The following PBX3 variants were observed in gnomAD, a reference collection of about 807,000 sequenced individuals.
The protein encoded by PBX3 is pre-B-cell leukemia transcription factor 3.
A neutral mutation model predicts 48.5 loss-of-function variants in PBX3; 14 were observed. The ratio of observed to expected loss-of-function variants is 0.29; its 90% CI spans 0.19 to 0.45. The LOEUF is 0.45. Ranked by LOEUF, PBX3 falls within the 20% of genes least tolerant of loss-of-function variation. PBX3 has a pLI of 1.00. For synonymous variants in PBX3, 210 were observed against 200.3 expected, an observed-to-expected ratio of 1.05 and a Z score of -0.41; for missense variants, 386 against 546.7, an observed-to-expected ratio of 0.71 and a Z score of 2.93.
intron 2 of PBX3, among the ~76,000 whole-genome samples, chr9:125,906,020 A>G (rs762195482): frequency 1.1e-4 from 16 of 152,018 alleles, no homozygotes; most frequent in African/African-American, 3.1e-4. Context: ...TGAAACATCT[A>G]TAGTACTTAC....
intron 4 of PBX3, among the ~76,000 whole-genome samples, chr9:125,933,110 A>G (rs1274148343): frequency 6.6e-6 from 1 of 152,250 alleles, no homozygotes; most frequent in Non-Finnish European, 1.5e-5. Context: ...TGTGCCTTCA[A>G]GTGAATGCAA....
chr9:125,858,550 C>A (rs1342995872), intron 2 of PBX3, among the ~76,000 whole-genome samples: 1 of 148,390 alleles, frequency 6.7e-6, no homozygotes, highest in African/African-American at 2.5e-5. Context: ...GGGTTCCATT[C>A]AAAAGTGGTA....
chr9:125,913,743 G>A (rs886789217), intron 2 of PBX3, among the ~76,000 whole-genome samples: 3 of 151,974 alleles, frequency 2.0e-5, no homozygotes, highest in African/African-American at 4.8e-5. Context: ...CTAGAAACCC[G>A]GAGGAAACTT....
intron 2 of PBX3, among the ~76,000 whole-genome samples, chr9:125,856,253 T>A (rs77495009): frequency 0.035 from 5,392 of 152,268 alleles, 327 homozygotes; most frequent in African/African-American, 0.12. Flanking sequence ...GGGCCTCTTT[T>A]TGAATCAATG....
chr9:125,770,980 A>G (rs1363213478), intron 2 of PBX3, among the ~76,000 whole-genome samples: 1 of 152,234 alleles, frequency 6.6e-6, no homozygotes, highest in African/African-American at 2.4e-5. Context: ...TCACATTTGA[A>G]TAACAGCAGA....
intron 2 of PBX3, among the ~76,000 whole-genome samples, chr9:125,787,147 C>T (rs536164591): frequency 4.0e-4 from 61 of 152,196 alleles, no homozygotes; most frequent in South Asian, 2.1e-3. Context: ...TCAAGTGATC[C>T]TCCCAACTCA....
chr9:125,887,499 CA>C (rs1286258721), intron 2 of PBX3, among the ~76,000 whole-genome samples: 2 of 152,146 alleles, frequency 1.3e-5, no homozygotes, highest in African/African-American at 4.8e-5. Flanking sequence ...CAGTTTTAAA[CA>C]GACATTTTGA....
At chr9:125,772,798 G>A (rs1156369328) in intron 2 of PBX3, among the ~76,000 whole-genome samples, 1 of 152,180 alleles carries the variant, frequency 6.6e-6, no homozygotes, top group Non-Finnish European at 1.5e-5. Context: ...TGTGTTTGCA[G>A]GCCCAAGCCT....
intron 2 of PBX3, among the ~76,000 whole-genome samples, chr9:125,812,284 C>A (rs934279070): frequency 1.3e-5 from 2 of 152,154 alleles, no homozygotes; most frequent in African/African-American, 2.4e-5. Flanking sequence ...GGTTGGGGGG[C>A]ACAAATATTT....
chr9:125,851,010 G>C (rs1021977788), intron 2 of PBX3, among the ~76,000 whole-genome samples: 3 of 152,056 alleles, frequency 2.0e-5, no homozygotes, highest in Non-Finnish European at 4.4e-5. Flanking sequence ...TTGGTTGCAT[G>C]ATCAAAAGGA....
At chr9:125,796,158 T>A (rs1019426885) in intron 2 of PBX3, among the ~76,000 whole-genome samples, 11 of 152,202 alleles carry the variant, frequency 7.2e-5, no homozygotes, top group African/African-American at 2.4e-4. Context: ...GAAACTGGAC[T>A]TGGCATGTAT....
At chr9:125,820,003 C>T (rs1298238699) in intron 2 of PBX3, among the ~76,000 whole-genome samples, 2 of 152,080 alleles carry the variant, frequency 1.3e-5, no homozygotes, top group African/African-American at 4.8e-5. Context: ...TAAAAAACCC[C>T]AAAGAAATCT....
chr9:125,915,460 C>T (rs774988269), intron 2 of PBX3, among the ~76,000 whole-genome samples: 1 of 151,872 alleles, frequency 6.6e-6, no homozygotes, highest in Non-Finnish European at 1.5e-5. Context: ...TAAATTGAGG[C>T]GGTGGGGGGG....
intron 2 of PBX3, among the ~76,000 whole-genome samples, chr9:125,829,676 T>A (rs943364978): frequency 8.3e-4 from 126 of 152,070 alleles, no homozygotes; most frequent in Non-Finnish European, 1.3e-3. Context: ...TTCCTTAAAT[T>A]AAAAAAAATG....
chr9:125,761,243 AT>A (rs1461734784), intron 2 of PBX3, among the ~76,000 whole-genome samples: 1 of 151,628 alleles, frequency 6.6e-6, no homozygotes, highest in Admixed American at 6.6e-5. Flanking sequence ...CTTTAGCTAC[AT>A]TCTTTATTAT....
intron 3 of PBX3, among the ~76,000 whole-genome samples, chr9:125,917,212 TAA>T (rs1294711713): frequency 1.3e-5 from 2 of 152,184 alleles, no homozygotes; most frequent in Non-Finnish European, 2.9e-5. Context: ...GTGTGTATTT[TAA>T]AGACTCTTTT....
intron 2 of PBX3, among the ~76,000 whole-genome samples, chr9:125,803,234 C>T (rs572520928): frequency 6.8e-4 from 103 of 151,014 alleles, no homozygotes; most frequent in Non-Finnish European, 1.2e-3. Context: ...ATTATAGGCA[C>T]GGGCCACCAT....
intron 3 of PBX3, among the ~76,000 whole-genome samples, chr9:125,923,136 T>G (rs986369969): frequency 6.6e-6 from 1 of 152,258 alleles, no homozygotes; most frequent in Admixed American, 6.5e-5. Context: ...TAGCAAATTA[T>G]GAGTTTTTAG....
At chr9:125,868,353 GT>G (rs1354326044) in intron 2 of PBX3, among the ~76,000 whole-genome samples, 2 of 152,192 alleles carry the variant, frequency 1.3e-5, no homozygotes, top group Non-Finnish European at 1.5e-5. Flanking sequence ...AAAATAGATT[GT>G]AGTTCAGTTT....
Sources: gnomAD v4.1 joint callset for allele counts (sites outside exome capture counted in the v4.1 genomes callset) on GRCh38, gnomAD v4.1.1 for gene constraint, MANE v1.5 for transcripts, NCBI Gene and HGNC (gene_info 2026-07-23, HGNC 2026-07-21) for gene names.